FOXJ3: variants seen among roughly 807,000 people sequenced by gnomAD.
FOXJ3 encodes forkhead box J3.
FOXJ3 carries 22 observed loss-of-function variants against 76.1 expected under a neutral mutation model. The ratio of observed to expected loss-of-function variants is 0.29; its 90% CI spans 0.21 to 0.41. The LOEUF is 0.41. Among genes scored for constraint, FOXJ3 ranks in the 10% least tolerant of loss-of-function variants. The pLI, the probability that FOXJ3 is intolerant of heterozygous loss-of-function variation, is 1.00. For missense variants in FOXJ3, 613 were observed against 762.1 expected (o/e 0.80, Z 2.30); for synonymous variants, 269 against 261.2 (o/e 1.03, Z -0.29).
At chr1:42,297,751 G>A (rs1202359272) in intron 2 of FOXJ3, among the ~76,000 whole-genome samples, 1 of 151,766 alleles carries the variant, frequency 6.6e-6, no homozygotes, top group Non-Finnish European at 1.5e-5. Context: ...TTTGGTATCT[G>A]GTGTCCTCAC....
intron 3 of FOXJ3, among the ~76,000 whole-genome samples, chr1:42,269,951 T>C: frequency 6.6e-6 from 1 of 152,116 alleles, no homozygotes; most frequent in East Asian, 1.9e-4. Context: ...CTGCAGAGAG[T>C]TATGTCTTCA....
At chr1:42,278,253 A>G in intron 3 of FOXJ3, 95 bp downstream of exon 3, 2 of 934,564 alleles carry the variant, frequency 2.1e-6, no homozygotes, top group South Asian at 3.5e-5. Flanking sequence ...AAAATTTCAT[A>G]TTCAATTACA....
In FOXJ3 at chr1:42,177,473, G is replaced by C. The variant is rs1200369223; in HGVS notation, c.*2237C>G. ...CAGCTATTTTGGTGTCTAGAAAACA[G>C]TGACTTAAGCAAACCATTGAAAATC... On this transcript the variant is annotated 3_prime_UTR_variant, in exon 13 of 13. Coordinates refer to ENST00000361346, the MANE Select transcript of FOXJ3 (RefSeq NM_014947.5). 1 of 152,504 alleles carries C rather than the reference G, an allele frequency of 6.6e-6. No homozygotes were observed. Among genetic ancestry groups the C allele is most frequent in the Non-Finnish European group, 1.5e-5 (1 of 67,996 alleles). The allele number at this position is 152,504 out of a possible 1,614,324, so 9.4% of individuals were successfully genotyped here.
rs754440979 is a variant in FOXJ3 at position 42,188,744 on chromosome 1, A to T, written c.1638T>A (p.Ile546=). The T allele has an allele frequency of 6.3e-7, 1 of 1,585,832 alleles. No homozygotes were observed. The highest frequency in any genetic ancestry group is 8.6e-7 in the Non-Finnish European group (1 of 1,163,620). ...AGATAACTAACCCCATACCTGTTCC[A>T]ATGTGTTGGGAAGGTTTTGTTGGAT... ...AMHPTKPSQH[I]GTGNLYIDSR... is the part of the protein sequence containing the mutation. The change falls in exon 11 of 13, where the codon ATT becomes ATA. Residue 546 remains isoleucine (I), a synonymous_variant. Transcript: ENST00000361346.
intron 4 of FOXJ3, among the ~76,000 whole-genome samples, chr1:42,244,111 T>C (rs1480698976): frequency 6.6e-6 from 1 of 152,080 alleles, no homozygotes; most frequent in Non-Finnish European, 1.5e-5. Flanking sequence ...TAAAAAACTT[T>C]CTTGAAATAA....
chr1:42,286,858 T>C (rs1653089935), intron 2 of FOXJ3, among the ~76,000 whole-genome samples: 1 of 151,562 alleles, frequency 6.6e-6, no homozygotes, highest in Non-Finnish European at 1.5e-5. Context: ...GGTGTCGAAC[T>C]CCTGACCTCA....
chr1:42,293,871 C>T (rs529088579), intron 2 of FOXJ3, among the ~76,000 whole-genome samples: 3 of 152,288 alleles, frequency 2.0e-5, no homozygotes, highest in South Asian at 4.1e-4. Flanking sequence ...GATCCCTACA[C>T]TAAAAGCCCC....
chr1:42,280,205 G>T, intron 2 of FOXJ3: 1 of 501,908 alleles, frequency 2.0e-6, no homozygotes, highest in Non-Finnish European at 2.6e-6. Context: ...GGAGTATCTT[G>T]GGAGGGCACC....
At chr1:42,254,208 GA>G (rs1650373889) in intron 4 of FOXJ3, among the ~76,000 whole-genome samples, 2 of 151,252 alleles carry the variant, frequency 1.3e-5, no homozygotes, top group East Asian at 3.9e-4. Context: ...AAAGACACGT[GA>G]AAAAATGCTC....
rs1001414148 is a variant in FOXJ3 at position 42,262,044 on chromosome 1, C to T, written c.444+3071G>A. ...TAATTCCAGGTGATTTGGGGGGTGA[C>T]GGGGTGAACACCAGGCCTACTCTCT... On this transcript the variant is annotated intron_variant, in intron 4 of 12. Transcript: ENST00000361346. Among the ~76,000 whole-genome samples, 6 of 152,034 alleles carry T rather than the reference C, an allele frequency of 3.9e-5. No homozygotes were observed. In the South Asian group the frequency reaches 6.2e-4, roughly 16 times the overall value.
rs1276317826 is a variant in FOXJ3 at position 42,318,291 on chromosome 1, T to C, written c.-17-7181A>G. Among the ~76,000 whole-genome samples the C allele has an allele frequency of 2.5e-4, 38 of 152,344 alleles. 1 individual carries two copies. Among genetic ancestry groups the C allele is most frequent in the Non-Finnish European group, 1.5e-5 (1 of 68,020 alleles). ...CATTTCTACAAAGAAGATATATGAA[T>C]GTCCAATAAATACATGAAAAGATGT... On this transcript the variant is annotated intron_variant, in intron 1 of 12. Transcript: ENST00000361346.
At chr1:42,328,167 G>A (rs1172822495) in intron 1 of FOXJ3, among the ~76,000 whole-genome samples, 2 of 152,156 alleles carry the variant, frequency 1.3e-5, no homozygotes, top group Non-Finnish European at 1.5e-5. Flanking sequence ...GTGGTGGTAC[G>A]CACCTCTAGT....
chr1:42,324,210 T>A (rs1655676289), intron 1 of FOXJ3, among the ~76,000 whole-genome samples: 1 of 138,256 alleles, frequency 7.2e-6, no homozygotes. Flanking sequence ...ATATATATAC[T>A]ATATATATAA....
At chr1:42,227,569 T>C (rs1332261964) in intron 5 of FOXJ3, among the ~76,000 whole-genome samples, 1 of 152,230 alleles carries the variant, frequency 6.6e-6, no homozygotes, top group Non-Finnish European at 1.5e-5. Flanking sequence ...GGAATAGTTG[T>C]GTTACATAAA....
At chr1:42,241,646 C>T (rs1009344849) in intron 4 of FOXJ3, among the ~76,000 whole-genome samples, 5 of 152,224 alleles carry the variant, frequency 3.3e-5, no homozygotes, top group African/African-American at 1.2e-4. Flanking sequence ...ATGGCCCTCC[C>T]ACACATCACA....
rs1477336078 is a variant in FOXJ3, at chr1:42,223,531, T to C, written c.528+4352A>G. Among the ~76,000 whole-genome samples the C allele has an allele frequency of 2.0e-5, 3 of 152,312 alleles. No individual in the cohort carries two copies. In the South Asian group the frequency reaches 6.2e-4, roughly 32 times the overall value. On this transcript the variant is annotated intron_variant, in intron 5 of 12. Transcript: ENST00000361346. ...CAATCATGCATGCTGTGTCTCCAAG[T>C]GGAACATCCTTTAGCATTTTCTACG...
chr1:42,264,767 G>GT (rs1201618780), intron 4 of FOXJ3, among the ~76,000 whole-genome samples: 1 of 152,108 alleles, frequency 6.6e-6, no homozygotes, highest in African/African-American at 2.4e-5. Context: ...TTATTCCAGT[G>GT]TAAGAATACT....
chr1:42,184,674 G>C (rs1646398482), intron 11 of FOXJ3, among the ~76,000 whole-genome samples: 1 of 152,078 alleles, frequency 6.6e-6, no homozygotes, highest in South Asian at 2.1e-4. Context: ...AAATTAAATA[G>C]TATGTAACAT....
chr1:42,216,021 C>CAT (rs2124389309), intron 5 of FOXJ3, among the ~76,000 whole-genome samples: 1 of 151,884 alleles, frequency 6.6e-6, no homozygotes, highest in Non-Finnish European at 1.5e-5. Flanking sequence ...ATATCATATA[C>CAT]ATATATATGT....
Sources: gnomAD v4.1 joint callset for allele counts (sites outside exome capture counted in the v4.1 genomes callset) on GRCh38, gnomAD v4.1.1 for gene constraint, MANE v1.5 for transcripts, NCBI Gene and HGNC (gene_info 2026-07-23, HGNC 2026-07-21) for gene names.